Variants in PPP3CC observed in about 807,000 individuals in gnomAD.
PPP3CC encodes the protein serine/threonine-protein phosphatase 2B catalytic subunit gamma isoform.
A neutral mutation model predicts 60.3 loss-of-function variants in PPP3CC; 35 were observed. The observed-to-expected ratio is 0.58, with a 90% CI of 0.44 to 0.77. PPP3CC has a LOEUF of 0.77. Ranked by LOEUF, PPP3CC falls within the 30% of genes least tolerant of loss-of-function variation. PPP3CC has a pLI of 0.00. For missense variants in PPP3CC, 570 were observed against 628.9 expected (o/e 0.91, Z 1.00); for synonymous variants, 206 against 224.3 (o/e 0.92, Z 0.73).
intron 10 of PPP3CC, among the ~76,000 whole-genome samples, chr8:22,529,392 A>G (rs930539846): frequency 6.6e-6 from 1 of 152,104 alleles, no homozygotes; most frequent in African/African-American, 2.4e-5. Context: ...TTTTAATTAA[A>G]TTTTTAGTTT....
chr8:22,514,248 CAAAAAAAAAAAAA>C (rs66505760), intron 6 of PPP3CC, among the ~76,000 whole-genome samples: 7 of 89,486 alleles, frequency 7.8e-5, no homozygotes, highest in East Asian at 3.2e-4. Context: ...ACTCTGTCTC[CAAAAAAAAAAAAA>C]AAAAAAAAAA....
At chr8:22,527,332 C>T (rs561461896) in intron 8 of PPP3CC, 60 bp from the exon 9 acceptor site, 1 of 1,578,620 alleles carries the variant, frequency 6.3e-7, no homozygotes, top group Admixed American at 1.7e-5. Flanking sequence ...CTGTACAAAG[C>T]ATACCACTTG....
intron 13 of PPP3CC, among the ~76,000 whole-genome samples, chr8:22,540,009 G>T (rs998273476): frequency 3.9e-5 from 6 of 152,200 alleles, no homozygotes; most frequent in Admixed American, 3.9e-4. Flanking sequence ...ACTTGTAATT[G>T]TTTTATTAGG....
chr8:22,513,271 T>C (rs1262820252), intron 5 of PPP3CC, 22 bp from the exon 6 acceptor site: 1 of 1,599,844 alleles, frequency 6.3e-7, no homozygotes, highest in Non-Finnish European at 8.5e-7. Flanking sequence ...TTTTTTTCTT[T>C]TGGCTTTTGT....
intron 10 of PPP3CC, among the ~76,000 whole-genome samples, chr8:22,530,912 AC>A (rs1457928494): frequency 2.6e-5 from 4 of 151,930 alleles, no homozygotes; most frequent in Non-Finnish European, 4.4e-5. Flanking sequence ...AAACAAAAAA[AC>A]ATACTATTCC....
intron 1 of PPP3CC, among the ~76,000 whole-genome samples, chr8:22,458,415 T>C (rs924740051): frequency 6.6e-6 from 1 of 151,954 alleles, no homozygotes; most frequent in Non-Finnish European, 1.5e-5. Flanking sequence ...CTGACCAACA[T>C]GGTGAAACCT....
intron 1 of PPP3CC, among the ~76,000 whole-genome samples, chr8:22,464,720 G>A (rs944588294): frequency 6.6e-6 from 1 of 152,064 alleles, no homozygotes; most frequent in Non-Finnish European, 1.5e-5. Flanking sequence ...GATTCCAAGA[G>A]CCTTTTCAGT....
intron 3 of PPP3CC, chr8:22,493,144 G>A: frequency 6.6e-7 from 1 of 1,509,962 alleles, no homozygotes; most frequent in African/African-American, 1.4e-5. Context: ...GATAAAACTT[G>A]AAGAAGTTAT....
chr8:22,535,254 G>A (rs893552102), intron 12 of PPP3CC, among the ~76,000 whole-genome samples: 3 of 152,156 alleles, frequency 2.0e-5, no homozygotes, highest in Non-Finnish European at 4.4e-5. Context: ...TTACCCAGGA[G>A]CTGACTTCTT....
chr8:22,457,845 A>C (rs112652823), intron 1 of PPP3CC, among the ~76,000 whole-genome samples: 1 of 152,232 alleles, frequency 6.6e-6, no homozygotes, highest in African/African-American at 2.4e-5. Context: ...TAATCCCAGC[A>C]CTTTGGGAGG....
intron 8 of PPP3CC, among the ~76,000 whole-genome samples, chr8:22,524,236 T>C (rs1388674874): frequency 3.9e-5 from 6 of 152,226 alleles, no homozygotes; most frequent in Non-Finnish European, 8.8e-5. Flanking sequence ...GTCTCATTAC[T>C]TTATAGTTAT....
chr8:22,515,717 C>T (rs1025719675), intron 6 of PPP3CC, among the ~76,000 whole-genome samples: 15 of 152,194 alleles, frequency 9.9e-5, no homozygotes, highest in African/African-American at 3.4e-4. Context: ...CTCTGATGAT[C>T]GGTGATATTG....
intron 1 of PPP3CC, among the ~76,000 whole-genome samples, chr8:22,461,868 A>C (rs372050149): frequency 6.6e-6 from 1 of 152,226 alleles, no homozygotes; most frequent in African/African-American, 2.4e-5. Flanking sequence ...TCTAGGACAC[A>C]TAAGTCCCTG....
intron 4 of PPP3CC, among the ~76,000 whole-genome samples, chr8:22,504,118 T>G (rs1055600721): frequency 6.6e-6 from 1 of 152,220 alleles, no homozygotes; most frequent in Non-Finnish European, 1.5e-5. Context: ...TTTTAAAAAA[T>G]ATTCCTTTCT....
At chr8:22,446,396 A>G (rs1382854119) in intron 1 of PPP3CC, among the ~76,000 whole-genome samples, 2 of 152,100 alleles carry the variant, frequency 1.3e-5, no homozygotes, top group Non-Finnish European at 2.9e-5. Flanking sequence ...AAAGTGAAAA[A>G]AACAAGGGAC....
At position 22,459,213 on chromosome 8, in the gene PPP3CC, C is replaced by T. The variant is rs1174254279; in HGVS notation, c.50-15741C>T. 5.9e-5 allele frequency among the ~76,000 whole-genome samples: 9 copies of T among 152,320 alleles called. No individual in the cohort carries two copies. In the East Asian group the frequency reaches 1.5e-3, roughly 26 times the overall value. ...TACACCTCCCAAGTAGCTGGAATTA[C>T]AGGCACATGCCACTGTGCCCAGACC... is the stretch of plus-strand genomic sequence containing the variant. On this transcript the variant is annotated intron_variant, in intron 1 of 13. Coordinates refer to ENST00000240139, the MANE Select transcript of PPP3CC (RefSeq NM_005605.5).
chr8:22,505,816 A>G (rs535289679), intron 4 of PPP3CC, among the ~76,000 whole-genome samples: 1 of 152,334 alleles, frequency 6.6e-6, no homozygotes, highest in Admixed American at 6.5e-5. Flanking sequence ...GCTAGAAGAT[A>G]AGAGTTATTT....
Position 22,511,177 on chromosome 8 carries a change from C to CT in PPP3CC, c.577dup (p.Cys193LeufsTer9). The CT allele has an allele frequency of 6.2e-7, 1 of 1,613,746 alleles. No homozygotes were observed. The highest frequency in any genetic ancestry group is 8.5e-7 in the Non-Finnish European group (1 of 1,179,658). ...CTGCCCTCTTAAACCAGCAGTTTCT[C>CT]TGTGTACATGGAGGAATGTCACCTG... On this transcript the variant is annotated frameshift_variant, in exon 5 of 14. Transcript: ENST00000240139. LOFTEE classifies it high-confidence loss of function.
chr8:22,488,064 G>A (rs1271251916), intron 3 of PPP3CC, among the ~76,000 whole-genome samples: 1 of 152,138 alleles, frequency 6.6e-6, no homozygotes, highest in African/African-American at 2.4e-5. Flanking sequence ...TACTATGGGT[G>A]GATTGTGCCT....
Sources: gnomAD v4.1 joint callset for allele counts (sites outside exome capture counted in the v4.1 genomes callset) on GRCh38, gnomAD v4.1.1 for gene constraint, MANE v1.5 for transcripts, NCBI Gene and HGNC (gene_info 2026-07-23, HGNC 2026-07-21) for gene names.